Variants in NINL observed in about 807,000 individuals in gnomAD.
NINL encodes ninein like.
NINL carries 153 observed loss-of-function variants against 160.3 expected under a neutral mutation model. The ratio of observed to expected loss-of-function variants is 0.95; its 90% CI spans 0.84 to 1.09. NINL has a LOEUF of 1.09. NINL is among the 50% of genes least tolerant of loss of function. NINL has a pLI of 0.00. For missense variants in NINL, 1,829 were observed against 1,764.0 expected, an observed-to-expected ratio of 1.04 and a Z score of -0.66; for synonymous variants, 800 against 734.8, an observed-to-expected ratio of 1.09 and a Z score of -1.43.
At position 25,492,451 on chromosome 20, in the gene NINL, G is replaced by T. The variant is rs1284467974; in HGVS notation, c.1311-926C>A. 4.6e-5 allele frequency among the ~76,000 whole-genome samples: 7 copies of T among 151,700 alleles called. 1 individual carries two copies. The highest frequency in any genetic ancestry group is 4.2e-4 in the South Asian group (2 of 4,758). On this transcript the variant is annotated intron_variant, in intron 10 of 23. Coordinates refer to ENST00000278886, the MANE Select transcript of NINL (RefSeq NM_025176.6). The stretch of plus-strand genomic sequence containing the variant: ...GCCATCAGAAAAGCATATGCAACAT[G>T]GTGTCATTTTTTTTTTTGGAGACAG...
At chr20:25,496,469 C>A (rs560891402) in intron 10 of NINL, among the ~76,000 whole-genome samples, 194 bp downstream of exon 10, 4 of 151,506 alleles carry the variant, frequency 2.6e-5, no homozygotes, top group African/African-American at 4.9e-5. Flanking sequence ...ACTGCACCAA[C>A]CCCAGGAAGA....
intron 8 of NINL, 126 bp downstream of exon 8, chr20:25,500,714 G>T: frequency 1.1e-6 from 1 of 870,182 alleles, no homozygotes; most frequent in Non-Finnish European, 1.7e-6. Flanking sequence ...TCCTTGCATG[G>T]CATTCTCTGC....
chr20:25,531,187 C>T (rs1316372246), intron 1 of NINL, among the ~76,000 whole-genome samples: 2 of 152,214 alleles, frequency 1.3e-5, no homozygotes, highest in Non-Finnish European at 2.9e-5. Context: ...TTCTGCCCAG[C>T]TCACAGGTGG....
intron 21 of NINL, chr20:25,458,831 A>C: frequency 2.6e-6 from 1 of 379,660 alleles, no homozygotes; most frequent in Admixed American, 4.3e-5. Flanking sequence ...GCTTCCAGTG[A>C]ACCTTGCTGG....
intron 1 of NINL, among the ~76,000 whole-genome samples, chr20:25,538,093 C>T (rs2064592372): frequency 6.6e-6 from 1 of 152,148 alleles, no homozygotes; most frequent in South Asian, 2.1e-4. Context: ...GGTGGCCGCC[C>T]CTGGCCCATC....
chr20:25,493,040 G>A (rs1232747100), intron 10 of NINL, among the ~76,000 whole-genome samples: 1 of 152,078 alleles, frequency 6.6e-6, no homozygotes, highest in Non-Finnish European at 1.5e-5. Flanking sequence ...TTAGCACCTC[G>A]AATGCATCCC....
At chr20:25,545,912 C>CCTAAGTA (rs2064725846) in intron 1 of NINL, among the ~76,000 whole-genome samples, 1 of 152,148 alleles carries the variant, frequency 6.6e-6, no homozygotes, top group Non-Finnish European at 1.5e-5. Flanking sequence ...CTGAAGCCTG[C>CCTAAGTA]TATCTGGAGG....
At chr20:25,512,625 C>G (rs1284920978) in intron 4 of NINL, among the ~76,000 whole-genome samples, 6 of 152,192 alleles carry the variant, frequency 3.9e-5, no homozygotes, top group African/African-American at 1.4e-4. Context: ...AGGAGAGAAC[C>G]CTGTGTCCAG....
At chr20:25,484,279 G>A (rs1057313178) in intron 13 of NINL, among the ~76,000 whole-genome samples, 2 of 152,226 alleles carry the variant, frequency 1.3e-5, no homozygotes, top group African/African-American at 4.8e-5. Flanking sequence ...GGAGGGCTCA[G>A]GGTGATCCTT....
At chr20:25,541,142 T>C (rs554861893) in intron 1 of NINL, among the ~76,000 whole-genome samples, 14 of 152,340 alleles carry the variant, frequency 9.2e-5, no homozygotes, top group Admixed American at 9.2e-4. Flanking sequence ...CCTCGGTACC[T>C]ATCAACGCCA....
chr20:25,489,410 G>C, intron 12 of NINL, 86 bp from the exon 13 acceptor site: 2 of 1,212,864 alleles, frequency 1.6e-6, no homozygotes, highest in Non-Finnish European at 2.4e-6. Context: ...CCAAGAACCT[G>C]CCCAGCTTCT....
chr20:25,554,643 A>AAAAC (rs2064847069), intron 1 of NINL, among the ~76,000 whole-genome samples: 1 of 148,930 alleles, frequency 6.7e-6, no homozygotes, highest in South Asian at 2.1e-4. Flanking sequence ...AAACAAAAAA[A>AAAAC]AAAAAAAAAA....
chr20:25,482,684 G>T, intron 13 of NINL, among the ~76,000 whole-genome samples: 1 of 151,152 alleles, frequency 6.6e-6, no homozygotes, highest in South Asian at 2.1e-4. Context: ...TATATGGGAG[G>T]GGCTCAAAGA....
chr20:25,459,670 C>G (rs1430966382), intron 21 of NINL, among the ~76,000 whole-genome samples: 1 of 152,128 alleles, frequency 6.6e-6, no homozygotes, highest in Non-Finnish European at 1.5e-5. Context: ...CTTGCAGGTC[C>G]TTGGACTGCA....
rs756245532 is a variant in NINL, at chr20:25,489,899, G to A, written c.1572C>T (p.Asp524=). 6.2e-7 allele frequency: 1 copy of A among 1,614,174 alleles called. No individual in the cohort carries two copies. The highest frequency in any genetic ancestry group is 2.2e-5 in the East Asian group (1 of 44,882). ...CCTTGTCCTTCAGCACAAACTCCAG[G>A]TCCTTCTGCAGCTTCAGGGCCAGCC... is the stretch of plus-strand genomic sequence containing the variant. The part of the protein sequence containing the change: ...SERLALKLQK[D]LEFVLKDKLE... Residue 524 remains aspartate, a synonymous_variant, in exon 12 of 24, where the codon GAC becomes GAT. Coordinates refer to ENST00000278886, the MANE Select transcript of NINL (RefSeq NM_025176.6).
chr20:25,499,329 G>A, intron 8 of NINL: 1 of 739,110 alleles, frequency 1.4e-6, no homozygotes, highest in Non-Finnish European at 1.7e-6. Context: ...TTGCAAGGCA[G>A]AATTTGGCAA....
intron 21 of NINL, among the ~76,000 whole-genome samples, chr20:25,461,198 CCTG>C (rs2146321521): frequency 6.6e-6 from 1 of 152,348 alleles, no homozygotes; most frequent in East Asian, 1.9e-4. Context: ...AGGGCTGGAG[CCTG>C]CTGCCTTGGT....
intron 9 of NINL, among the ~76,000 whole-genome samples, chr20:25,497,497 G>A (rs2063781194): frequency 1.3e-5 from 2 of 152,250 alleles, no homozygotes; most frequent in African/African-American, 2.4e-5. Context: ...CTGGACAGAT[G>A]CAGTCTTTAG....
chr20:25,494,247 C>A (rs897761433), intron 10 of NINL, among the ~76,000 whole-genome samples: 1 of 150,554 alleles, frequency 6.6e-6, no homozygotes, highest in Non-Finnish European at 1.5e-5. Flanking sequence ...ATGCACACAG[C>A]ACTTTCCACT....
Sources: allele counts gnomAD v4.1 joint callset (sites outside exome capture counted in the v4.1 genomes callset), GRCh38; gene constraint gnomAD v4.1.1; transcripts MANE v1.5; gene names NCBI Gene and HGNC (gene_info 2026-07-23, HGNC 2026-07-21).